Variants in ASAP2 observed in about 807,000 individuals in gnomAD.
ASAP2 encodes the protein arf-GAP with SH3 domain, ANK repeat and PH domain-containing protein 2.
Under a neutral mutation model 131.4 loss-of-function variants are expected in ASAP2, and 45 were observed. The observed-to-expected ratio is 0.34, with a 90% CI of 0.27 to 0.44. The LOEUF is 0.44. ASAP2 is among the 20% of genes least tolerant of loss of function. ASAP2 has a pLI of 1.00. For missense variants in ASAP2, 1,011 were observed against 1,297.0 expected, an observed-to-expected ratio of 0.78 and a Z score of 3.39; for synonymous variants, 510 against 503.0, an observed-to-expected ratio of 1.01 and a Z score of -0.19.
chr2:9,363,197 T>C (rs2715870), intron 15 of ASAP2, among the ~76,000 whole-genome samples: 15,627 of 152,222 alleles, frequency 0.1, 2,248 homozygotes, highest in African/African-American at 0.32. Context: ...CATTCGTCCA[T>C]TGGTGGCATT....
intron 3 of ASAP2, among the ~76,000 whole-genome samples, chr2:9,301,617 T>C (rs1175702371): frequency 6.6e-6 from 1 of 152,088 alleles, no homozygotes; most frequent in Non-Finnish European, 1.5e-5. Flanking sequence ...GTTAGAGGAT[T>C]GTTAGTGAAA....
chr2:9,334,026 CTCTG>C (rs1441543704), intron 7 of ASAP2, among the ~76,000 whole-genome samples: 36 of 142,782 alleles, frequency 2.5e-4, no homozygotes, highest in Non-Finnish European at 3.6e-4. Context: ...CTCTCTCTGT[CTCTG>C]TCTTTCTCCT....
At chr2:9,254,405 T>A (rs909575159) in intron 1 of ASAP2, among the ~76,000 whole-genome samples, 1 of 142,850 alleles carries the variant, frequency 7.0e-6, no homozygotes, top group Non-Finnish European at 1.5e-5. Flanking sequence ...TAGGCTGGAG[T>A]GCAGTGGCAT....
In ASAP2 at chr2:9,276,673, G is replaced by A. The variant is rs145521866; in HGVS notation, c.127-2644G>A. On this transcript the variant is annotated intron_variant, in intron 1 of 27. Transcript: ENST00000281419. The stretch of plus-strand genomic sequence containing the variant: ...TTGCCTCAGCCTCCTGAGTAGCTGG[G>A]ATTACAGGCACACCCACCAACACGC... Among the ~76,000 whole-genome samples, 909 of 152,144 alleles carry A rather than the reference G, an allele frequency of 6.0e-3. 12 individuals carry two copies. Among genetic ancestry groups the A allele is most frequent in the African/African-American group, 0.021 (869 of 41,514 alleles).
intron 2 of ASAP2, among the ~76,000 whole-genome samples, chr2:9,288,486 G>T (rs1343750043): frequency 6.6e-6 from 1 of 152,100 alleles, no homozygotes; most frequent in Non-Finnish European, 1.5e-5. Flanking sequence ...TGGGGGCAGC[G>T]TGTGTTTTTA....
At chr2:9,320,251 G>T in intron 4 of ASAP2, 37 bp from the exon 5 acceptor site, 2 of 1,536,336 alleles carry the variant, frequency 1.3e-6, no homozygotes, top group Non-Finnish European at 1.8e-6. Context: ...AGAAGTGAAT[G>T]ATTAGTCTTG....
At chr2:9,326,656 C>T (rs961317083) in intron 6 of ASAP2, among the ~76,000 whole-genome samples, 1 of 152,242 alleles carries the variant, frequency 6.6e-6, no homozygotes, top group Admixed American at 6.5e-5. Context: ...CAAAAAAAAT[C>T]GTATAAGTAG....
intron 1 of ASAP2, among the ~76,000 whole-genome samples, chr2:9,260,198 G>C (rs1347873050): frequency 6.6e-6 from 1 of 152,214 alleles, no homozygotes; most frequent in Non-Finnish European, 1.5e-5. Context: ...GAACACTGAG[G>C]CCCAGGTGAT....
rs1236579445 is a variant in ASAP2, at chr2:9,344,570, T to C, written c.888T>C (p.His296=). The change falls in exon 10 of 28, where the codon CAT becomes CAC. Residue 296 remains histidine (H), a synonymous_variant. Coordinates refer to ENST00000281419, the MANE Select transcript of ASAP2 (RefSeq NM_003887.3). ...QIRQSTAYSL[H]QPQGNKEHGT... is the part of the protein sequence containing the mutation. ...GTCAGAGCACAGCTTATAGCTTACA[T>C]CAGCCTCAGGGAAACAAGGAACATG... 5 of 1,614,142 alleles carry C rather than the reference T, an allele frequency of 3.1e-6. No individual in the cohort carries two copies. The highest frequency in any genetic ancestry group is 1.1e-5 in the South Asian group (1 of 91,074).
At chr2:9,267,132 G>T (rs891502184) in intron 1 of ASAP2, among the ~76,000 whole-genome samples, 4 of 151,976 alleles carry the variant, frequency 2.6e-5, no homozygotes, top group African/African-American at 7.3e-5. Flanking sequence ...TTTTTTCAAT[G>T]AGATTTTTTT....
rs185154683 is a variant in ASAP2, at chr2:9,320,043, G to C, written c.421-245G>C. Among the ~76,000 whole-genome samples the C allele has an allele frequency of 8.5e-5, 13 of 152,234 alleles. 1 individual carries two copies. In the South Asian group the frequency reaches 2.1e-3, roughly 24 times the overall value. ...AGGTGGCCCAAGAGTGTCATAACTG[G>C]GTGGCAGCACCTTGCTTTTGTGTAC... On this transcript the variant is annotated intron_variant, in intron 4 of 27. Transcript: ENST00000281419.
At position 9,328,500 on chromosome 2, in the gene ASAP2, G is replaced by A. The variant is rs138544235; in HGVS notation, c.686+589G>A. ...ATGTTTGTTAAAAGAGAAATGATAC[G>A]ATGTTAATGCAGTGTTTTAAAATAA... On this transcript the variant is annotated intron_variant, in intron 7 of 27. Transcript: ENST00000281419. Among the ~76,000 whole-genome samples, 567 of 152,284 alleles carry A rather than the reference G, an allele frequency of 3.7e-3. 1 individual carries two copies. Among genetic ancestry groups the A allele is most frequent in the Middle Eastern group, 6.8e-3 (2 of 294 alleles).
chr2:9,303,801 T>G (rs907542347), intron 3 of ASAP2, among the ~76,000 whole-genome samples: 1 of 152,192 alleles, frequency 6.6e-6, no homozygotes, highest in African/African-American at 2.4e-5. Flanking sequence ...GGATACTGTT[T>G]CTTTTTGGGG....
At chr2:9,330,747 A>G (rs1670779305) in intron 7 of ASAP2, among the ~76,000 whole-genome samples, 1 of 152,164 alleles carries the variant, frequency 6.6e-6, no homozygotes, top group African/African-American at 2.4e-5. Flanking sequence ...ATTTTTAAGA[A>G]GAAGCTATTC....
intron 15 of ASAP2, among the ~76,000 whole-genome samples, chr2:9,359,184 C>T (rs1321950879): frequency 1.3e-5 from 2 of 152,234 alleles, no homozygotes; most frequent in Admixed American, 6.5e-5. Context: ...TAGACCAGCT[C>T]ACCCCATCCA....
At chr2:9,312,481 T>C (rs1393597727) in intron 3 of ASAP2, among the ~76,000 whole-genome samples, 2 of 152,166 alleles carry the variant, frequency 1.3e-5, no homozygotes, top group South Asian at 2.1e-4. Context: ...CACCTCACGA[T>C]GCCCCATCTT....
At chr2:9,384,702 AT>A (rs1249512993) in intron 20 of ASAP2, among the ~76,000 whole-genome samples, 4 of 152,224 alleles carry the variant, frequency 2.6e-5, no homozygotes, top group Non-Finnish European at 5.9e-5. Context: ...GGGAGGGGAC[AT>A]GGGGGTTCCA....
chr2:9,218,621 G>T (rs1457073388), intron 1 of ASAP2, among the ~76,000 whole-genome samples: 1 of 152,168 alleles, frequency 6.6e-6, no homozygotes. Context: ...CTGATAGCCT[G>T]AATCTGTTGT....
intron 1 of ASAP2, among the ~76,000 whole-genome samples, chr2:9,237,107 C>T (rs981005301): frequency 2.0e-5 from 3 of 151,702 alleles, no homozygotes; most frequent in Non-Finnish European, 2.9e-5. Flanking sequence ...CTTGGCTGTG[C>T]GGGCTGGGAA....
Sources: gnomAD v4.1 joint callset for allele counts (sites outside exome capture counted in the v4.1 genomes callset) on GRCh38, gnomAD v4.1.1 for gene constraint, MANE v1.5 for transcripts, NCBI Gene and HGNC (gene_info 2026-07-23, HGNC 2026-07-21) for gene names.